ARHGAP5: variants seen among roughly 807,000 people sequenced by gnomAD.
ARHGAP5 encodes the protein rho GTPase-activating protein 5.
Under a neutral mutation model 116.6 loss-of-function variants are expected in ARHGAP5, and 23 were observed. The observed-to-expected ratio is 0.20, with a 90% CI of 0.14 to 0.28. The LOEUF is 0.28. Ranked by LOEUF, ARHGAP5 falls within the 10% of genes least tolerant of loss-of-function variation. The probability of loss-of-function intolerance (pLI) is 1.00; values close to 1 mark genes in which losing one functional copy is unlikely to be tolerated. For missense variants in ARHGAP5, 1,405 were observed against 1,774.8 expected, an observed-to-expected ratio of 0.79 and a Z score of 3.74; for synonymous variants, 574 against 602.0, an observed-to-expected ratio of 0.95 and a Z score of 0.68.
At chr14:32,083,331 A>G (rs1476240562) in intron 1 of ARHGAP5, among the ~76,000 whole-genome samples, 1 of 152,282 alleles carries the variant, frequency 6.6e-6, no homozygotes, top group Non-Finnish European at 1.5e-5. Flanking sequence ...AGTAAAGTTT[A>G]CTGTAACATA....
chr14:32,098,588 T>C (rs111391307), intron 2 of ARHGAP5, among the ~76,000 whole-genome samples: 2,479 of 152,298 alleles, frequency 0.016, 69 homozygotes, highest in African/African-American at 0.055. Flanking sequence ...TGATAAACTT[T>C]CTGTAAAGGG....
rs949227735 is a variant in ARHGAP5 at position 32,104,327 on chromosome 14, G to A, written c.3717+9941G>A. 8.5e-5 allele frequency among the ~76,000 whole-genome samples: 13 copies of A among 152,230 alleles called. No individual in the cohort carries two copies. In the East Asian group the frequency reaches 1.7e-3, roughly 20 times the overall value. ...TAATATATGTTGAAATGCTTTTTAG[G>A]AAGATGTTATCTTAGAGAATAAAGG... On this transcript the variant is annotated intron_variant, in intron 2 of 6. Transcript: ENST00000345122.
intron 3 of ARHGAP5, among the ~76,000 whole-genome samples, chr14:32,139,678 A>G (rs1314364508): frequency 2.0e-5 from 3 of 150,974 alleles, no homozygotes; most frequent in South Asian, 2.1e-4. Context: ...GATTCTCCCT[A>G]TTGTTTTTCT....
At chr14:32,106,656 T>C (rs958333228) in intron 2 of ARHGAP5, among the ~76,000 whole-genome samples, 2 of 152,230 alleles carry the variant, frequency 1.3e-5, no homozygotes, top group African/African-American at 4.8e-5. Flanking sequence ...ATACGTGAGT[T>C]AGGCATCTAA....
chr14:32,116,050 G>C lies in ARHGAP5; in HGVS notation c.3718-1090G>C, dbSNP rs1369006640. Among the ~76,000 whole-genome samples the C allele has an allele frequency of 2.0e-5, 3 of 152,056 alleles. No homozygotes were observed. In the East Asian group the frequency reaches 5.8e-4, roughly 30 times the overall value. ...TGCCTGTAATCCCAGCACTTTGGGA[G>C]GCTGAGGCGGGTGGATCACAAGGTC... On this transcript the variant is annotated intron_variant, in intron 2 of 6. Coordinates refer to ENST00000345122, the MANE Select transcript of ARHGAP5 (RefSeq NM_001030055.2).
At chr14:32,153,454 T>G (rs1462915723) in intron 6 of ARHGAP5, among the ~76,000 whole-genome samples, 1 of 136,982 alleles carries the variant, frequency 7.3e-6, no homozygotes, top group Non-Finnish European at 1.6e-5. Context: ...AAAGATTGTT[T>G]TATGGAATGC....
intron 2 of ARHGAP5, among the ~76,000 whole-genome samples, chr14:32,100,866 G>A (rs779340571): frequency 9.2e-5 from 14 of 152,174 alleles, no homozygotes; most frequent in Non-Finnish European, 1.5e-4. Flanking sequence ...GAAAATCTGA[G>A]TTGTATTATT....
chr14:32,141,717 T>C (rs573004943), intron 3 of ARHGAP5, among the ~76,000 whole-genome samples: 1 of 152,200 alleles, frequency 6.6e-6, no homozygotes, highest in Non-Finnish European at 1.5e-5. Context: ...CTCTCAACTT[T>C]CGTTTATCTA....
At chr14:32,149,823 G>T (rs1594398277) in intron 4 of ARHGAP5, 79 bp from the exon 5 acceptor site, 4 of 773,100 alleles carry the variant, frequency 5.2e-6, no homozygotes, top group Non-Finnish European at 5.5e-6. Context: ...GTTATCTTTT[G>T]ATCTAAAAGT....
At chr14:32,117,040 TA>T in intron 2 of ARHGAP5, 99 bp from the exon 3 acceptor site, 1 of 925,034 alleles carries the variant, frequency 1.1e-6, no homozygotes, top group Non-Finnish European at 1.5e-6. Flanking sequence ...GATGTGGCTA[TA>T]AAATTTTTCT....
At chr14:32,120,005 T>C (rs1258610348) in intron 3 of ARHGAP5, among the ~76,000 whole-genome samples, 23 of 152,150 alleles carry the variant, frequency 1.5e-4, no homozygotes, top group Admixed American at 1.5e-3. Context: ...GTTTATTTTC[T>C]GGAAGAGTTT....
chr14:32,130,387 GTTT>G (rs758926640), intron 3 of ARHGAP5, among the ~76,000 whole-genome samples: 2 of 132,878 alleles, frequency 1.5e-5, no homozygotes, highest in African/African-American at 2.8e-5. Context: ...AATTTTTTGG[GTTT>G]TTTTTTTTTT....
At chr14:32,127,385 C>T (rs1880225267) in intron 3 of ARHGAP5, among the ~76,000 whole-genome samples, 2 of 152,138 alleles carry the variant, frequency 1.3e-5, no homozygotes. Flanking sequence ...TCTTAACAAG[C>T]ATGCTGCCTT....
Position 32,157,767 on chromosome 14 carries a change from C to CT in ARHGAP5, c.*2826dup, listed in dbSNP as rs972652927. 2.7e-4 allele frequency: 41 copies of CT among 150,396 alleles called. No individual in the cohort carries two copies. Among genetic ancestry groups the CT allele is most frequent in the African/African-American group, 9.0e-4 (37 of 41,042 alleles). The allele number at this position is 150,396 out of a possible 1,614,324, so 9.3% of individuals were successfully genotyped here. On this transcript the variant is annotated 3_prime_UTR_variant, in exon 7 of 7. Coordinates refer to ENST00000345122, the MANE Select transcript of ARHGAP5 (RefSeq NM_001030055.2). Reference sequence around the variant, plus strand: ...GCAATCTAAGTTAGCCAAAAAGCAGCTTTTTTTCCCATACTGTATGTAAAT... The same window carrying CT: ...GCAATCTAAGTTAGCCAAAAAGCAGCTTTTTTTTCCCATACTGTATGTAAAT...
chr14:32,088,275 T>C (rs1215451258), intron 1 of ARHGAP5, among the ~76,000 whole-genome samples: 2 of 152,026 alleles, frequency 1.3e-5, no homozygotes, highest in African/African-American at 4.8e-5. Flanking sequence ...TGTAGTGTTT[T>C]TACTGTACTG....
chr14:32,140,456 G>A (rs1471118510), intron 3 of ARHGAP5, among the ~76,000 whole-genome samples: 5 of 151,878 alleles, frequency 3.3e-5, no homozygotes, highest in Admixed American at 6.6e-5. Context: ...GTGTGTTGGC[G>A]GGCGCATGCT....
At chr14:32,085,816 G>A (rs1033684938) in intron 1 of ARHGAP5, among the ~76,000 whole-genome samples, 4 of 151,960 alleles carry the variant, frequency 2.6e-5, no homozygotes, top group African/African-American at 9.7e-5. Flanking sequence ...AACTATATTT[G>A]GGGTTGTACT....
chr14:32,102,503 C>T (rs961705750), intron 2 of ARHGAP5, among the ~76,000 whole-genome samples: 7 of 152,222 alleles, frequency 4.6e-5, no homozygotes, highest in Non-Finnish European at 7.3e-5. Context: ...TGAACTGTGA[C>T]TGCACCACTG....
intron 4 of ARHGAP5, among the ~76,000 whole-genome samples, chr14:32,148,295 T>C (rs997845038): frequency 5.3e-5 from 8 of 152,226 alleles, no homozygotes; most frequent in African/African-American, 4.8e-5. Context: ...AATGAATGCA[T>C]GGTTATAGTT....
Sources: gnomAD v4.1 joint callset for allele counts (sites outside exome capture counted in the v4.1 genomes callset) on GRCh38, gnomAD v4.1.1 for gene constraint, MANE v1.5 for transcripts, NCBI Gene and HGNC (gene_info 2026-07-23, HGNC 2026-07-21) for gene names.